The following TSPAN14 variants were observed in gnomAD, a reference collection of about 807,000 sequenced individuals.
TSPAN14 encodes tetraspanin-14.
In TSPAN14, 16 loss-of-function variants were observed where a neutral mutation model predicts 36.6. That is an observed-to-expected ratio of 0.44 (90% confidence interval 0.30 to 0.66). The LOEUF (loss-of-function observed/expected upper bound fraction) is 0.66. Among genes scored for constraint, TSPAN14 ranks in the 30% least tolerant of loss-of-function variants. The pLI, the probability that TSPAN14 is intolerant of heterozygous loss-of-function variation, is 0.12. For synonymous variants in TSPAN14, 139 were observed against 143.8 expected, an observed-to-expected ratio of 0.97 and a Z score of 0.24; for missense variants, 231 against 355.1, an observed-to-expected ratio of 0.65 and a Z score of 2.81.
intron 1 of TSPAN14, among the ~76,000 whole-genome samples, chr10:80,488,154 C>T (rs1847726332): frequency 6.6e-6 from 1 of 152,134 alleles, no homozygotes; most frequent in African/African-American, 2.4e-5. Context: ...AGGGGGCTGG[C>T]ATGGGACCAC....
chr10:80,474,642 T>C (rs887308476), intron 1 of TSPAN14, among the ~76,000 whole-genome samples: 18 of 151,884 alleles, frequency 1.2e-4, no homozygotes, highest in African/African-American at 4.4e-4. Flanking sequence ...AGCAGAGTAG[T>C]GTTGGAGGGT....
chr10:80,507,995 GTCCTAATTTTTTC>G (rs1184005630), intron 4 of TSPAN14, among the ~76,000 whole-genome samples: 1 of 150,354 alleles, frequency 6.7e-6, no homozygotes, highest in East Asian at 1.9e-4. Flanking sequence ...TGGGCTTTTT[GTCCTAATTTTTTC>G]TCTGGAAAAA....
At chr10:80,516,021 GC>G in intron 7 of TSPAN14, 182 bp from the exon 8 acceptor site, 1 of 819,002 alleles carries the variant, frequency 1.2e-6, no homozygotes. Flanking sequence ...ATGGCACAGT[GC>G]CCAGCGAGGG....
intron 1 of TSPAN14, among the ~76,000 whole-genome samples, chr10:80,480,241 A>G (rs1042419964): frequency 2.0e-5 from 3 of 151,282 alleles, no homozygotes; most frequent in African/African-American, 7.3e-5. Context: ...ATCTGCAAAC[A>G]GGGACAATTT....
At chr10:80,504,851 C>T in intron 3 of TSPAN14, 73 bp downstream of exon 3, 2 of 1,502,942 alleles carry the variant, frequency 1.3e-6, no homozygotes, top group Non-Finnish European at 1.9e-6. Flanking sequence ...ATTTTCCCTC[C>T]TCCAATCTGT....
chr10:80,466,768 G>A (rs1472998663), intron 1 of TSPAN14, among the ~76,000 whole-genome samples: 1 of 152,212 alleles, frequency 6.6e-6, no homozygotes, highest in African/African-American at 2.4e-5. Context: ...GAGGTGTGGG[G>A]AAAGGGTGCT....
intron 1 of TSPAN14, among the ~76,000 whole-genome samples, chr10:80,481,018 T>C (rs1847241796): frequency 6.6e-6 from 1 of 152,014 alleles, no homozygotes; most frequent in East Asian, 1.9e-4. Flanking sequence ...GGCAGGAGAA[T>C]CTCTGGAACC....
intron 1 of TSPAN14, among the ~76,000 whole-genome samples, chr10:80,471,523 A>G (rs1205579048): frequency 6.6e-6 from 1 of 152,222 alleles, no homozygotes; most frequent in Admixed American, 6.5e-5. Context: ...CCAGGGGCAT[A>G]TAAAAGGATT....
chr10:80,495,288 C>T (rs1848136697), intron 2 of TSPAN14, among the ~76,000 whole-genome samples: 1 of 151,994 alleles, frequency 6.6e-6, no homozygotes, highest in Non-Finnish European at 1.5e-5. Flanking sequence ...AAATCACATC[C>T]CCAGAACGAC....
chr10:80,489,456 C>T (rs1475551371), intron 2 of TSPAN14, 142 bp downstream of exon 2: 3 of 673,370 alleles, frequency 4.5e-6, no homozygotes, highest in Non-Finnish European at 7.9e-6. Context: ...CCTACCCTCA[C>T]AGAACCAGTT....
intron 1 of TSPAN14, among the ~76,000 whole-genome samples, chr10:80,456,138 C>G (rs1392639975): frequency 1.3e-5 from 2 of 152,304 alleles, no homozygotes; most frequent in East Asian, 3.9e-4. Flanking sequence ...AAGTCCCTCA[C>G]CAGCTATGAA....
intron 1 of TSPAN14, among the ~76,000 whole-genome samples, chr10:80,467,751 G>A (rs1339860779): frequency 1.3e-5 from 2 of 152,062 alleles, no homozygotes; most frequent in Admixed American, 1.3e-4. Context: ...AGTGGAAACC[G>A]AGCCACCCTG....
chr10:80,473,222 C>T (rs1045833986), intron 1 of TSPAN14, among the ~76,000 whole-genome samples: 2 of 152,208 alleles, frequency 1.3e-5, no homozygotes, highest in Admixed American at 1.3e-4. Context: ...TGACTCAAAT[C>T]CACCCACTCT....
intron 2 of TSPAN14, among the ~76,000 whole-genome samples, chr10:80,494,863 C>T (rs1007896370): frequency 5.9e-5 from 9 of 152,142 alleles, no homozygotes; most frequent in African/African-American, 1.7e-4. Context: ...TTTGTAATTT[C>T]GTGGAAATTC....
intron 1 of TSPAN14, among the ~76,000 whole-genome samples, chr10:80,457,106 C>T (rs928563860): frequency 6.6e-6 from 1 of 152,162 alleles, no homozygotes; most frequent in Non-Finnish European, 1.5e-5. Flanking sequence ...ATGTCAACAG[C>T]TCCATTTTAC....
chr10:80,475,170 C>T (rs115830718), intron 1 of TSPAN14, among the ~76,000 whole-genome samples: 6,277 of 152,250 alleles, frequency 0.041, 196 homozygotes, highest in South Asian at 0.13. Context: ...TAATCTGGAT[C>T]CAAGGCTCAC....
intron 2 of TSPAN14, among the ~76,000 whole-genome samples, chr10:80,498,698 C>G (rs1220971395): frequency 6.6e-6 from 1 of 152,196 alleles, no homozygotes; most frequent in South Asian, 2.1e-4. Context: ...CATCTCTGCT[C>G]TGTCTGCCGT....
chr10:80,501,979 A>T (rs1848547048), intron 2 of TSPAN14, among the ~76,000 whole-genome samples: 1 of 152,188 alleles, frequency 6.6e-6, no homozygotes, highest in Admixed American at 6.5e-5. Flanking sequence ...CACAATAGAG[A>T]GACAGCCCCT....
At chr10:80,454,839 G>C (rs1378285027) in intron 1 of TSPAN14, among the ~76,000 whole-genome samples, 2 of 152,146 alleles carry the variant, frequency 1.3e-5, no homozygotes, top group Non-Finnish European at 2.9e-5. Flanking sequence ...CAGGAGATCG[G>C]GTCCGGGGTG....
Sources: gnomAD v4.1 joint callset for allele counts (sites outside exome capture counted in the v4.1 genomes callset) on GRCh38, gnomAD v4.1.1 for gene constraint, MANE v1.5 for transcripts, NCBI Gene and HGNC (gene_info 2026-07-23, HGNC 2026-07-21) for gene names.